VPS54: variants seen among roughly 807,000 people sequenced by gnomAD.
The protein encoded by VPS54 is VPS54 subunit of GARP complex.
In VPS54, 45 loss-of-function variants were observed where a neutral mutation model predicts 121.5. The observed-to-expected ratio is 0.37, with a 90% CI of 0.29 to 0.47. The LOEUF is 0.47. Ranked by LOEUF, VPS54 falls within the 20% of genes least tolerant of loss-of-function variation. The pLI is 0.99. For synonymous variants in VPS54, 371 were observed against 385.8 expected, an observed-to-expected ratio of 0.96 and a Z score of 0.45; for missense variants, 1,090 against 1,131.4, an observed-to-expected ratio of 0.96 and a Z score of 0.52.
At chr2:64,015,701 A>G (rs1437255116) in intron 1 of VPS54, among the ~76,000 whole-genome samples, 1 of 152,186 alleles carries the variant, frequency 6.6e-6, no homozygotes, top group African/African-American at 2.4e-5. Flanking sequence ...AGGGCACTGG[A>G]TATTTGAAAA....
chr2:63,921,592 T>C (rs1264320566), intron 12 of VPS54, among the ~76,000 whole-genome samples: 3 of 152,082 alleles, frequency 2.0e-5, no homozygotes, highest in African/African-American at 7.2e-5. Flanking sequence ...CAGTGGCACA[T>C]TCAGAGCTTA....
chr2:63,993,851 G>A (rs950673245), intron 1 of VPS54, among the ~76,000 whole-genome samples: 1 of 152,224 alleles, frequency 6.6e-6, no homozygotes, highest in Non-Finnish European at 1.5e-5. Context: ...TGCTGGTTAT[G>A]TAGGTCCTAC....
intron 20 of VPS54, among the ~76,000 whole-genome samples, chr2:63,901,673 C>G (rs1672684470): frequency 6.6e-6 from 1 of 152,094 alleles, no homozygotes; most frequent in African/African-American, 2.4e-5. Context: ...TGAGAAGGGG[C>G]ACCAAACTCT....
At chr2:63,985,894 T>C (rs1376223272) in intron 1 of VPS54, among the ~76,000 whole-genome samples, 1 of 152,166 alleles carries the variant, frequency 6.6e-6, no homozygotes, top group Non-Finnish European at 1.5e-5. Context: ...AGTTTACACA[T>C]ATTTAAGAGA....
intron 21 of VPS54, 65 bp from the exon 22 acceptor site, chr2:63,897,655 A>G: frequency 1.0e-6 from 1 of 974,432 alleles, no homozygotes; most frequent in Non-Finnish European, 1.5e-6. Flanking sequence ...TGAGTTATCA[A>G]TATTATTTAG....
At chr2:63,923,580 T>C (rs757866405) in intron 12 of VPS54, among the ~76,000 whole-genome samples, 2 of 152,190 alleles carry the variant, frequency 1.3e-5, no homozygotes, top group Non-Finnish European at 2.9e-5. Context: ...ATCTTGTATG[T>C]ATATATCACA....
chr2:64,005,248 T>C (rs59438657), intron 1 of VPS54, among the ~76,000 whole-genome samples: 83,402 of 148,582 alleles, frequency 0.56, 24,666 homozygotes, highest in African/African-American at 0.73. Context: ...GGACTACAGG[T>C]GCCCGCCACC....
Position 63,893,494 on chromosome 2 carries a change from T to C in VPS54, c.2870A>G (p.Gln957Arg). The C allele has an allele frequency of 6.2e-7, 1 of 1,614,102 alleles. No individual in the cohort carries two copies. Among genetic ancestry groups the C allele is most frequent in the Non-Finnish European group, 8.5e-7 (1 of 1,179,984 alleles). ...CAAATCTTTAAGGCCTTTTAAGGCT[T>C]GAAGATTTCCAGTGTAAAAAGCTAC... Reference protein sequence around the residue: ...ADVAFYTGNLQALKGLKDLDL... With the variant: ...ADVAFYTGNLRALKGLKDLDL... The change falls in exon 23 of 23, where the codon CAA (glutamine) becomes CGA (arginine). Residue 957 changes from glutamine (Q) to arginine (R), a missense_variant. Coordinates refer to ENST00000272322, the MANE Select transcript of VPS54 (RefSeq NM_016516.3).
Position 63,968,859 on chromosome 2 carries a change from G to A in VPS54, c.492+98C>T, listed in dbSNP as rs889288371. The A allele has an allele frequency of 5.1e-6, 5 of 971,848 alleles. No homozygotes were observed. The African/African-American group carries it at 7.8e-5, about 15-fold the overall frequency. The allele number at this position is 971,848 out of a possible 1,614,324, so 60.2% of individuals were successfully genotyped here. A position where few individuals can be genotyped will look rare whatever the true frequency, so the allele number is the denominator to read the frequency against. The stretch of plus-strand genomic sequence containing the variant: ...CCCCACAAGAGACAAAGTAGCCAAA[G>A]GGTCAAAAAAAAAAAAAAGCCAAAT... On this transcript the variant is annotated intron_variant, in intron 5 of 22. Coordinates refer to ENST00000272322, the MANE Select transcript of VPS54 (RefSeq NM_016516.3).
In VPS54 at chr2:63,984,015, C is replaced by T. The variant is rs1676927326; in HGVS notation, c.-16G>A. On this transcript the variant is annotated 5_prime_UTR_variant, in exon 2 of 23. It adds an upstream start codon to the 5' untranslated region. Transcript: ENST00000272322. ...TTGAAGCCATTGCATAAAATCACCA[C>T]TCAACTGAAAATGAGTAAGAAATAC... is the stretch of plus-strand genomic sequence containing the variant. 8 of 1,591,966 alleles carry T rather than the reference C, an allele frequency of 5.0e-6. No individual in the cohort carries two copies. The highest frequency in any genetic ancestry group is 1.7e-5 in the Admixed American group (1 of 58,682).
rs533477706 is a variant in VPS54 at position 63,892,295 on chromosome 2, G to C, written c.*1135C>G. ...GTTTCATTATACATAATCACCACAG[G>C]ATATTAGGCACTCTGACAGGGTTAG... On this transcript the variant is annotated 3_prime_UTR_variant, in exon 23 of 23. Transcript: ENST00000272322. The C allele has an allele frequency of 1.3e-5, 2 of 152,198 alleles. No individual in the cohort carries two copies. Among genetic ancestry groups the C allele is most frequent in the African/African-American group, 4.8e-5 (2 of 41,526 alleles). 9.4% of individuals were successfully genotyped at this position (152,198 alleles called of 1,614,324 possible). A position where few individuals can be genotyped will look rare whatever the true frequency, so the allele number is the denominator to read the frequency against.
chr2:64,007,290 A>G (rs1678207385), intron 1 of VPS54, among the ~76,000 whole-genome samples: 1 of 152,188 alleles, frequency 6.6e-6, no homozygotes. Flanking sequence ...CGTGGGAGAG[A>G]AGACAGACGA....
intron 1 of VPS54, among the ~76,000 whole-genome samples, chr2:63,989,324 T>G (rs1677204058): frequency 6.6e-6 from 1 of 152,222 alleles, no homozygotes; most frequent in Non-Finnish European, 1.5e-5. Context: ...ACCCACACTC[T>G]ATTCGTATAC....
At chr2:63,893,587 T>A in intron 22 of VPS54, 52 bp from the exon 23 acceptor site, 5 of 1,503,674 alleles carry the variant, frequency 3.3e-6, no homozygotes, top group Non-Finnish European at 4.6e-6. Flanking sequence ...TCTATTCAGA[T>A]AATTAAAGTA....
intron 20 of VPS54, among the ~76,000 whole-genome samples, chr2:63,904,594 T>C (rs1672830366): frequency 6.6e-6 from 1 of 151,852 alleles, no homozygotes; most frequent in Admixed American, 6.6e-5. Flanking sequence ...AAATTTACAA[T>C]TACAGTAAAA....
rs115697058 is a variant in VPS54 at position 63,917,532 on chromosome 2, G to A, written c.2165-569C>T. Among the ~76,000 whole-genome samples the A allele has an allele frequency of 4.8e-3, 733 of 152,006 alleles. 4 individuals carry two copies. The highest frequency in any genetic ancestry group is 6.7e-3 in the Non-Finnish European group (454 of 67,842). On this transcript the variant is annotated intron_variant, in intron 15 of 22. Transcript: ENST00000272322. Reference sequence around the variant, plus strand: ...CTTTAAACAAAATTCAGCATATTGAGGTGAAAAGAACAGTGGACTGGATTT... The same window carrying A: ...CTTTAAACAAAATTCAGCATATTGAAGTGAAAAGAACAGTGGACTGGATTT...
intron 21 of VPS54, among the ~76,000 whole-genome samples, 153 bp from the exon 22 acceptor site, chr2:63,897,743 A>G (rs767946106): frequency 6.6e-6 from 1 of 152,132 alleles, no homozygotes; most frequent in South Asian, 2.1e-4. Flanking sequence ...TTCTATTGCT[A>G]TTTCACTACA....
intron 1 of VPS54, among the ~76,000 whole-genome samples, chr2:64,012,788 T>C (rs567832519): frequency 5.9e-5 from 9 of 152,258 alleles, no homozygotes; most frequent in South Asian, 4.2e-4. Flanking sequence ...CTCCCCTTCA[T>C]TGGCAAACCT....
Position 63,933,965 on chromosome 2 carries a change from T to G in VPS54, c.1447A>C (p.Asn483His). 6.2e-7 allele frequency: 1 copy of G among 1,613,574 alleles called. No individual in the cohort carries two copies. ...TCTTCCAATTCTCTAGTCCTTTGGT[T>G]TTTGTCAAGAACTGAGAGAACAACA... is the stretch of plus-strand genomic sequence containing the variant. ...HSVVLSVLDK[N>H]QRTRELEEIS... Residue 483 changes from asparagine to histidine, a missense_variant, in exon 12 of 23, where the codon AAC becomes CAC. This residue lies in a region of VPS54 where 801 missense variants were observed against 757.0 expected (regional missense o/e 1.06). Transcript: ENST00000272322.
Sources: allele counts gnomAD v4.1 joint callset (sites outside exome capture counted in the v4.1 genomes callset), GRCh38; gene constraint gnomAD v4.1.1; regional missense constraint gnomAD v4.1.1; transcripts MANE v1.5; gene names NCBI Gene and HGNC (gene_info 2026-07-23, HGNC 2026-07-21).